The following SPACA9 variants were observed in gnomAD, a reference collection of about 807,000 sequenced individuals.
The protein encoded by SPACA9 is sperm acrosome-associated protein 9.
In SPACA9, 14 loss-of-function variants were observed where a neutral mutation model predicts 12.5. The observed-to-expected ratio is 1.12, with a 90% CI of 0.74 to 1.75. The LOEUF (loss-of-function observed/expected upper bound fraction) is 1.75. Among genes scored for constraint, SPACA9 ranks in the 40% most tolerant of loss-of-function variants. The pLI is 0.00. For missense variants in SPACA9, 292 were observed against 291.9 expected (o/e 1.00, Z 0.00); for synonymous variants, 111 against 114.1 (o/e 0.97, Z 0.17).
At position 132,888,275 on chromosome 9, in the gene SPACA9, C is replaced by G; in HGVS notation, c.348-15C>G. On this transcript the variant is annotated splice_polypyrimidine_tract_variant and intron_variant, in intron 3 of 3. Transcript: ENST00000356311. The surrounding 1 kb of genome is among the most constrained non-coding windows in gnomAD (Gnocchi z 5.0). Reference sequence around the variant, plus strand: ...CCGGGAGCATGGGTTCACCTGGCCCCCTGCCGTCCTGCAGATACCCTCATG... The same window carrying G: ...CCGGGAGCATGGGTTCACCTGGCCCGCTGCCGTCCTGCAGATACCCTCATG... 6.3e-7 allele frequency: 1 copy of G among 1,585,294 alleles called. No individual in the cohort carries two copies. Among genetic ancestry groups the G allele is most frequent in the South Asian group, 1.2e-5 (1 of 86,834 alleles).
upstream of SPACA9, chr9:132,878,511 C>A: frequency 8.4e-7 from 1 of 1,196,262 alleles, no homozygotes; most frequent in Non-Finnish European, 1.0e-6. This position sits in a 1 kb window ranked among gnomAD's most constrained non-coding sequence, Gnocchi z 4.7. Flanking sequence ...CAGGTGGCTT[C>A]CAGCTGGGCC....
chr9:132,884,606 G>A (rs956840163), intron 2 of SPACA9, among the ~76,000 whole-genome samples: 20 of 152,186 alleles, frequency 1.3e-4, no homozygotes, highest in African/African-American at 4.6e-4. Flanking sequence ...AGGACTTGGA[G>A]GCCTCAAGAC....
intron 1 of SPACA9, among the ~76,000 whole-genome samples, chr9:132,880,023 G>A (rs1844353871): frequency 6.6e-6 from 1 of 152,182 alleles, no homozygotes; most frequent in South Asian, 2.1e-4. Flanking sequence ...AAACCCAACT[G>A]TAAAGATAGC....
chr9:132,883,617 CA>C (rs1322080749), intron 1 of SPACA9, among the ~76,000 whole-genome samples: 3 of 152,180 alleles, frequency 2.0e-5, no homozygotes, highest in Non-Finnish European at 4.4e-5. Flanking sequence ...TCTGGAGAAA[CA>C]GAACCAGAGA....
chr9:132,878,473 A>G (rs1844262310), upstream of SPACA9: 5 of 1,215,000 alleles, frequency 4.1e-6, no homozygotes, highest in Non-Finnish European at 5.1e-6. This position sits in a 1 kb window ranked among gnomAD's most constrained non-coding sequence, Gnocchi z 4.7. Context: ...CGCTTTTCCC[A>G]TTTGCGCATC....
upstream of SPACA9, chr9:132,878,448 C>A: frequency 8.2e-7 from 1 of 1,226,538 alleles, no homozygotes; most frequent in Non-Finnish European, 1.0e-6. The surrounding 1 kb of genome is among the most constrained non-coding windows in gnomAD (Gnocchi z 4.7). Flanking sequence ...CAAGTTCTTT[C>A]CCCAACCCCG....
chr9:132,889,054 G>A lies in SPACA9; in HGVS notation c.*443G>A. 1 of 997,830 alleles carries A rather than the reference G, an allele frequency of 1.0e-6. No homozygotes were observed. The allele number at this position is 997,830 out of a possible 1,614,324, so 61.8% of individuals were successfully genotyped here. ...CAAAGTGCTGGGATTACAGGCGTGAGCCACAGCGCCCGGCCCTCTTGCTTT... is the reference window on the plus strand; with the variant it reads ...CAAAGTGCTGGGATTACAGGCGTGAACCACAGCGCCCGGCCCTCTTGCTTT... On this transcript the variant is annotated 3_prime_UTR_variant, in exon 4 of 4. Coordinates refer to ENST00000356311, the MANE Select transcript of SPACA9 (RefSeq NM_001316897.2).
rs776659906 is a variant in SPACA9, at chr9:132,888,345, G to A, written c.403G>A (p.Gly135Ser). The A allele has an allele frequency of 2.6e-5, 42 of 1,613,966 alleles. No individual in the cohort carries two copies. In the East Asian group the frequency reaches 6.7e-4, roughly 26 times the overall value. ...CTGTGACGAGGCCCGGAACCACTAC[G>A]GCGGCGTGGTCAGCCTCATCCCCCT... is the stretch of plus-strand genomic sequence containing the variant. ...LSCDEARNHY[G>S]GVVSLIPLIL... The change falls in exon 4 of 4, where the codon GGC (glycine) becomes AGC (serine). Residue 135 changes from glycine to serine, a missense_variant. By Grantham distance (56) the Gly-to-Ser change is moderately conservative (BLOSUM62 0). Transcript: ENST00000356311. The surrounding 1 kb of genome is among the most constrained non-coding windows in gnomAD (Gnocchi z 5.0).
chr9:132,881,130 CT>C (rs2131478112), intron 1 of SPACA9, among the ~76,000 whole-genome samples: 1 of 151,856 alleles, frequency 6.6e-6, no homozygotes, highest in South Asian at 2.1e-4. Context: ...AGCCAGCAAT[CT>C]TTTCTTTACA....
chr9:132,889,459 T>C lies in SPACA9; in HGVS notation c.*848T>C. 1 of 964,062 alleles carries C rather than the reference T, an allele frequency of 1.0e-6. No homozygotes were observed. Among genetic ancestry groups the C allele is most frequent in the Non-Finnish European group, 1.2e-6 (1 of 810,530 alleles). The allele number at this position is 964,062 out of a possible 1,614,324, so 59.7% of individuals were successfully genotyped here. A position where few individuals can be genotyped will look rare whatever the true frequency, so the allele number is the denominator to read the frequency against. On this transcript the variant is annotated 3_prime_UTR_variant, in exon 4 of 4. Coordinates refer to ENST00000356311, the MANE Select transcript of SPACA9 (RefSeq NM_001316897.2). ...TTTCACTCTGTCTCCCAGGCTGGAGTGCAGTGGCACGATCTTGGCTCACTG... is the reference window on the plus strand; with the variant it reads ...TTTCACTCTGTCTCCCAGGCTGGAGCGCAGTGGCACGATCTTGGCTCACTG...
chr9:132,890,266 G>C (rs1211921127), downstream of SPACA9: 1 of 243,140 alleles, frequency 4.1e-6, no homozygotes, highest in African/African-American at 2.2e-5. Context: ...GACCTAGTCA[G>C]ATAAGAAAAC....
chr9:132,889,571 A>G lies in SPACA9; in HGVS notation c.*960A>G, dbSNP rs1417214164. On this transcript the variant is annotated 3_prime_UTR_variant, in exon 4 of 4. Coordinates refer to ENST00000356311, the MANE Select transcript of SPACA9 (RefSeq NM_001316897.2). Reference sequence around the variant, plus strand: ...CAGGCGCCCACCACCCCACCTGGCTAATTTATATATATATATATTTTTTAG... The same window carrying G: ...CAGGCGCCCACCACCCCACCTGGCTGATTTATATATATATATATTTTTTAG... 1 of 349,924 alleles carries G rather than the reference A, an allele frequency of 2.9e-6. No individual in the cohort carries two copies. The highest frequency in any genetic ancestry group is 4.0e-6 in the Non-Finnish European group (1 of 249,660). 21.7% of individuals were successfully genotyped at this position (349,924 alleles called of 1,614,324 possible).
chr9:132,889,892 A>G lies in SPACA9; in HGVS notation c.*1281A>G. The G allele has an allele frequency of 7.0e-7, 1 of 1,421,602 alleles. No homozygotes were observed. The highest frequency in any genetic ancestry group is 2.6e-5 in the East Asian group (1 of 37,798). 88.1% of individuals were successfully genotyped at this position (1,421,602 alleles called of 1,614,324 possible). A position where few individuals can be genotyped will look rare whatever the true frequency, so the allele number is the denominator to read the frequency against. On this transcript the variant is annotated 3_prime_UTR_variant, in exon 4 of 4. Transcript: ENST00000356311. ...GCGTAGTCGAACCCCAAACATTGTA[A>G]AATGTGTCCCTGGCTTCTGAGCTTG...
chr9:132,879,912 C>T (rs1844344103), intron 1 of SPACA9, among the ~76,000 whole-genome samples: 1 of 152,236 alleles, frequency 6.6e-6, no homozygotes, highest in South Asian at 2.1e-4. Flanking sequence ...TTCTACCAGC[C>T]ATCAGCCCAG....
chr9:132,880,925 C>A (rs953891111), intron 1 of SPACA9, among the ~76,000 whole-genome samples: 1 of 151,530 alleles, frequency 6.6e-6, no homozygotes, highest in African/African-American at 2.4e-5. Context: ...CAGGTTCACG[C>A]CATTCTCCTG....
intron 1 of SPACA9, among the ~76,000 whole-genome samples, chr9:132,883,542 C>T (rs563109049): frequency 3.4e-4 from 51 of 152,080 alleles, no homozygotes; most frequent in African/African-American, 1.2e-3. Context: ...ATGCATGTAC[C>T]TGTATGTGTG....
In SPACA9 at chr9:132,887,186, G is replaced by T. The variant is rs964320472; in HGVS notation, c.145-183G>T. Among the ~76,000 whole-genome samples, 5 of 145,196 alleles carry T rather than the reference G, an allele frequency of 3.4e-5. No homozygotes were observed. The highest frequency in any genetic ancestry group is 4.1e-4 in the East Asian group (2 of 4,834). On this transcript the variant is annotated intron_variant, in intron 2 of 3. Transcript: ENST00000356311. The surrounding 1 kb of genome is among the most constrained non-coding windows in gnomAD (Gnocchi z 5.4). ...CCATCCATCCATCCATCCATCTATAGAGAGAGAGATACCACTATATAGAGT... is the reference window on the plus strand; with the variant it reads ...CCATCCATCCATCCATCCATCTATATAGAGAGAGATACCACTATATAGAGT...
rs113445735 is a variant in SPACA9, at chr9:132,889,704, G to A, written c.*1093G>A. On this transcript the variant is annotated 3_prime_UTR_variant, in exon 4 of 4. Coordinates refer to ENST00000356311, the MANE Select transcript of SPACA9 (RefSeq NM_001316897.2). The stretch of plus-strand genomic sequence containing the variant: ...TGCTGGGATTACAGGTGTGAGCCAC[G>A]GCACCTGGCCAGAACTCAGTAGTGT... 7.2e-6 allele frequency: 8 copies of A among 1,113,436 alleles called. No individual in the cohort carries two copies. The highest frequency in any genetic ancestry group is 3.3e-5 in the African/African-American group (2 of 61,376). 69.0% of individuals were successfully genotyped at this position (1,113,436 alleles called of 1,614,324 possible).
chr9:132,888,644 T>G lies in SPACA9; in HGVS notation c.*33T>G. 1 of 1,491,042 alleles carries G rather than the reference T, an allele frequency of 6.7e-7. No homozygotes were observed. 92.4% of individuals were successfully genotyped at this position (1,491,042 alleles called of 1,614,324 possible). Reference sequence around the variant, plus strand: ...CCAGGAGCTCCGTCGGCGGAGAGCTTTGCTGTTTAATTTGGATTTTACTGG... The same window carrying G: ...CCAGGAGCTCCGTCGGCGGAGAGCTGTGCTGTTTAATTTGGATTTTACTGG... On this transcript the variant is annotated 3_prime_UTR_variant, in exon 4 of 4. Transcript: ENST00000356311. This position sits in a 1 kb window ranked among gnomAD's most constrained non-coding sequence, Gnocchi z 5.0.
Sources: gnomAD v4.1 joint callset for allele counts (sites outside exome capture counted in the v4.1 genomes callset) on GRCh38, gnomAD v4.1.1 for gene constraint, Gnocchi (gnomAD v3.1) non-coding constraint, MANE v1.5 for transcripts, NCBI Gene and HGNC (gene_info 2026-07-23, HGNC 2026-07-21) for gene names.